The following TAF2 variants were observed in gnomAD, a reference collection of about 807,000 sequenced individuals.
TAF2 encodes the protein TATA-box binding protein associated factor 2.
A neutral mutation model predicts 138.5 loss-of-function variants in TAF2; 61 were observed. The ratio of observed to expected loss-of-function variants is 0.44; its 90% CI spans 0.36 to 0.54. The LOEUF (loss-of-function observed/expected upper bound fraction) is 0.54, where lower values mean the gene tolerates loss of function less well. Ranked by LOEUF, TAF2 falls within the 20% of genes least tolerant of loss-of-function variation. The pLI is 0.00. For synonymous variants in TAF2, 475 were observed against 469.9 expected, an observed-to-expected ratio of 1.01 and a Z score of -0.14; for missense variants, 1,090 against 1,427.9, an observed-to-expected ratio of 0.76 and a Z score of 3.81.
Position 119,760,636 on chromosome 8 carries a change from C to T in TAF2, c.2661G>A (p.Arg887=), listed in dbSNP as rs1820998927. The change falls in exon 20 of 26, where the codon AGG becomes AGA. Residue 887 remains arginine (R), a synonymous_variant. Transcript: ENST00000378164. ...YAEYGHFVDI[R]IAALEAVVDY... is the part of the protein sequence containing the mutation. ...CAACAACTGCTTCCAAAGCTGCTATCCTAATGTCCACAAAGTGGCCATATT... is the reference window on the plus strand; with the variant it reads ...CAACAACTGCTTCCAAAGCTGCTATTCTAATGTCCACAAAGTGGCCATATT... The T allele has an allele frequency of 6.2e-7, 1 of 1,613,718 alleles. No homozygotes were observed. The highest frequency in any genetic ancestry group is 1.1e-5 in the South Asian group (1 of 91,082).
In TAF2 at chr8:119,803,906, A is replaced by T. The variant is rs780621880; in HGVS notation, c.532T>A (p.Phe178Ile). 1 of 1,613,940 alleles carries T rather than the reference A, an allele frequency of 6.2e-7. No homozygotes were observed. The highest frequency in any genetic ancestry group is 8.5e-7 in the Non-Finnish European group (1 of 1,179,926). Residue 178 changes from phenylalanine (F) to isoleucine (I), a missense_variant, in exon 5 of 26, where the codon TTC (phenylalanine) becomes ATC (isoleucine). By Grantham distance (21) the Phe-to-Ile change is conservative (BLOSUM62 0). This residue lies in a region of TAF2 where 504 missense variants were observed against 680.9 expected (regional missense o/e 0.74). Transcript: ENST00000378164. Reference sequence around the variant, plus strand: ...GTAGAATTTTGATACCCACAAGAGAAAACATGAGCACCTCTCTCTGCCATA... The same window carrying T: ...GTAGAATTTTGATACCCACAAGAGATAACATGAGCACCTCTCTCTGCCATA... ...GSMAERGAHV[F>I]SCGYQNSTRF...
chr8:119,792,629 T>C (rs193020799), intron 10 of TAF2, among the ~76,000 whole-genome samples: 77 of 152,194 alleles, frequency 5.1e-4, no homozygotes, highest in Non-Finnish European at 8.5e-4. Context: ...CCTCCAAAAT[T>C]CATGTTGAAA....
intron 18 of TAF2, among the ~76,000 whole-genome samples, chr8:119,763,269 C>T (rs1365809749): frequency 6.6e-6 from 1 of 152,124 alleles, no homozygotes; most frequent in Non-Finnish European, 1.5e-5. Context: ...AGAAAAAATA[C>T]CCCAAAAGTA....
intron 3 of TAF2, 69 bp from the exon 4 acceptor site, chr8:119,806,470 T>C (rs1219136160): frequency 6.1e-5 from 3 of 49,490 alleles, no homozygotes; most frequent in Non-Finnish European, 9.1e-5. Context: ...TCTTTCTTTC[T>C]TTTTTTTTTT....
In TAF2 at chr8:119,788,807, C is replaced by A. The variant is rs1586438703; in HGVS notation, c.1666G>T (p.Gly556Ter). 3 of 1,613,180 alleles carry A rather than the reference C, an allele frequency of 1.9e-6. No homozygotes were observed. The highest frequency in any genetic ancestry group is 1.3e-5 in the African/African-American group (1 of 74,888). Reference protein sequence around the residue: ...LEIKQDYTSPGTQKYVGPLKV... With the variant: ...LEIKQDYTSP Reference sequence around the variant, plus strand: ...AGACTTACCACGTATTTCTGAGTTCCAGGAGATGTATAGTCCTGTTTTATT... The same window carrying A: ...AGACTTACCACGTATTTCTGAGTTCAAGGAGATGTATAGTCCTGTTTTATT... The change falls in exon 13 of 26, where the codon GGA (glycine) becomes TGA (stop). Residue 556 changes from glycine (G) to a stop codon, truncating the protein, a stop_gained. Coordinates refer to ENST00000378164, the MANE Select transcript of TAF2 (RefSeq NM_003184.4). LOFTEE classifies it high-confidence loss of function.
chr8:119,831,192 T>A (rs891865508), intron 2 of TAF2, among the ~76,000 whole-genome samples: 1 of 152,170 alleles, frequency 6.6e-6, no homozygotes, highest in Admixed American at 6.5e-5. Flanking sequence ...ATCTAAATTG[T>A]GTCGGGAGGC....
At chr8:119,741,393 AT>A (rs1428154526) in intron 25 of TAF2, among the ~76,000 whole-genome samples, 2 of 152,214 alleles carry the variant, frequency 1.3e-5, no homozygotes, top group Non-Finnish European at 2.9e-5. Flanking sequence ...GTAGAAAATT[AT>A]TTACATCTAG....
Position 119,763,215 on chromosome 8 carries a change from G to A in TAF2, c.2365-607C>T, listed in dbSNP as rs117048618. 4.1e-3 allele frequency among the ~76,000 whole-genome samples: 619 copies of A among 152,134 alleles called. 2 individuals carry two copies. Among genetic ancestry groups the A allele is most frequent in the Non-Finnish European group, 6.8e-3 (460 of 67,982 alleles). On this transcript the variant is annotated intron_variant, in intron 18 of 25. Coordinates refer to ENST00000378164, the MANE Select transcript of TAF2 (RefSeq NM_003184.4). Reference sequence around the variant, plus strand: ...CCTAAACATTTTTATGTTCAAATACGGGGCAGGAAAAAAAGCAAGGCACAT... The same window carrying A: ...CCTAAACATTTTTATGTTCAAATACAGGGCAGGAAAAAAAGCAAGGCACAT...
At chr8:119,744,880 C>T (rs1234900183) in intron 23 of TAF2, 1 of 456,140 alleles carries the variant, frequency 2.2e-6, no homozygotes, top group Non-Finnish European at 4.4e-6. Context: ...GTATTTCTTA[C>T]TCTGATTTTG....
intron 8 of TAF2, among the ~76,000 whole-genome samples, chr8:119,795,946 C>T (rs1823794865): frequency 6.6e-6 from 1 of 152,058 alleles, no homozygotes; most frequent in African/African-American, 2.4e-5. Context: ...ACTGTCTCTG[C>T]CTCTAAGGAA....
intron 21 of TAF2, among the ~76,000 whole-genome samples, chr8:119,757,193 G>C (rs1052949504): frequency 6.6e-6 from 1 of 152,170 alleles, no homozygotes; most frequent in Non-Finnish European, 1.5e-5. Flanking sequence ...AAACCTAAAA[G>C]ATGTAGATTC....
In TAF2 at chr8:119,801,922, C is replaced by G; in HGVS notation, c.664G>C (p.Glu222Gln). The G allele has an allele frequency of 5.0e-6, 8 of 1,614,124 alleles. No individual in the cohort carries two copies. The highest frequency in any genetic ancestry group is 5.9e-6 in the Non-Finnish European group (7 of 1,180,030). Residue 222 changes from glutamate (E) to glutamine (Q), a missense_variant, in exon 6 of 26, where the codon GAG becomes CAG. Physicochemically the swap from Glu to Gln is conservative, Grantham distance 29. Transcript: ENST00000378164. ...MVAVSNGDLV[E>Q]TVYTHDMRKK... ...CTCATATCATGAGTATACACTGTCT[C>G]CACCAAATCGCCATTAGAAACAGCA...
intron 17 of TAF2, among the ~76,000 whole-genome samples, chr8:119,780,154 T>TTAC (rs60184320): frequency 4.0e-5 from 6 of 151,330 alleles, no homozygotes; most frequent in Non-Finnish European, 7.4e-5. Context: ...GCCTTCATTA[T>TTAC]GAAATTACTA....
chr8:119,766,630 A>C (rs1187748283), intron 18 of TAF2, among the ~76,000 whole-genome samples: 1 of 152,122 alleles, frequency 6.6e-6, no homozygotes. Context: ...TCTCCACTAA[A>C]CATACAAAAA....
intron 8 of TAF2, 35 bp downstream of exon 8, chr8:119,796,955 C>T (rs1428768579): frequency 7.0e-6 from 10 of 1,427,390 alleles, no homozygotes; most frequent in South Asian, 1.1e-5. Context: ...AAACTTGATT[C>T]TCTTCTCAGT....
At chr8:119,772,911 T>G (rs188789473) in intron 18 of TAF2, among the ~76,000 whole-genome samples, 1 of 150,660 alleles carries the variant, frequency 6.6e-6, no homozygotes, top group African/African-American at 2.4e-5. Context: ...CACTCCAGTC[T>G]GGTTAACAAG....
intron 20 of TAF2, among the ~76,000 whole-genome samples, chr8:119,759,963 C>A (rs1322298389): frequency 1.3e-5 from 2 of 152,122 alleles, no homozygotes; most frequent in Non-Finnish European, 2.9e-5. Context: ...TAGAAACTCA[C>A]ACATTTTCCC....
intron 2 of TAF2, among the ~76,000 whole-genome samples, chr8:119,826,975 C>CA (rs1563932094): frequency 6.6e-6 from 1 of 152,136 alleles, no homozygotes; most frequent in Non-Finnish European, 1.5e-5. Flanking sequence ...GGGTGGATCG[C>CA]TTGAGCCCAG....
chr8:119,780,991 A>G (rs1822609493), intron 17 of TAF2, 62 bp downstream of exon 17: 12 of 1,504,296 alleles, frequency 8.0e-6, no homozygotes, highest in Non-Finnish European at 1.1e-5. Flanking sequence ...TATTATTTGA[A>G]CAGTCTCCAA....
Sources: allele counts gnomAD v4.1 joint callset (sites outside exome capture counted in the v4.1 genomes callset), GRCh38; gene constraint gnomAD v4.1.1; regional missense constraint gnomAD v4.1.1; transcripts MANE v1.5; gene names NCBI Gene and HGNC (gene_info 2026-07-23, HGNC 2026-07-21).